DGKB: variants seen among roughly 807,000 people sequenced by gnomAD.
The protein encoded by DGKB is 90 kDa diacylglycerol kinase.
Under a neutral mutation model 114.3 loss-of-function variants are expected in DGKB, and 67 were observed. The ratio of observed to expected loss-of-function variants is 0.59; its 90% CI spans 0.48 to 0.72. The LOEUF is 0.72. Among genes scored for constraint, DGKB ranks in the 30% least tolerant of loss-of-function variants. DGKB has a pLI of 0.00. For missense variants in DGKB, 907 were observed against 975.2 expected (o/e 0.93, Z 0.93); for synonymous variants, 398 against 323.1 (o/e 1.23, Z -2.49).
chr7:14,853,736 T>G (rs896964363), intron 1 of DGKB, among the ~76,000 whole-genome samples: 1 of 150,812 alleles, frequency 6.6e-6, no homozygotes, highest in Admixed American at 6.6e-5. Context: ...GGAGTGGTGG[T>G]GGGCGCCTGT....
intron 20 of DGKB, among the ~76,000 whole-genome samples, chr7:14,540,532 T>C (rs73682441): frequency 0.019 from 2,960 of 152,292 alleles, 60 homozygotes; most frequent in East Asian, 0.082. Flanking sequence ...ATTCCTATCA[T>C]ACTTTTCTGT....
intron 6 of DGKB, among the ~76,000 whole-genome samples, chr7:14,712,956 T>C (rs1476671702): frequency 6.6e-6 from 1 of 152,106 alleles, no homozygotes; most frequent in African/African-American, 2.4e-5. Flanking sequence ...GCTGTTTGGC[T>C]GCAAAAATTT....
At chr7:14,196,278 T>A (rs1002746196) in intron 23 of DGKB, among the ~76,000 whole-genome samples, 2 of 152,134 alleles carry the variant, frequency 1.3e-5, no homozygotes, top group African/African-American at 4.8e-5. Context: ...GATGAGCAGT[T>A]TTTGACTCAT....
At chr7:14,166,202 A>G (rs1784585718) in intron 25 of DGKB, among the ~76,000 whole-genome samples, 1 of 152,228 alleles carries the variant, frequency 6.6e-6, no homozygotes, top group African/African-American at 2.4e-5. Flanking sequence ...TTACTCGCCT[A>G]TAGAAATACC....
intron 20 of DGKB, among the ~76,000 whole-genome samples, chr7:14,509,992 G>A (rs951420181): frequency 2.0e-5 from 3 of 152,120 alleles, no homozygotes; most frequent in African/African-American, 7.2e-5. Flanking sequence ...TGGCTGACAC[G>A]GTGAAACCCC....
chr7:14,291,495 C>T (rs1371837958), intron 23 of DGKB, among the ~76,000 whole-genome samples: 1 of 152,062 alleles, frequency 6.6e-6, no homozygotes, highest in East Asian at 1.9e-4. Flanking sequence ...TGGCTCTTTC[C>T]TTGGTAATCC....
intron 21 of DGKB, among the ~76,000 whole-genome samples, chr7:14,349,103 A>G (rs181167467): frequency 7.1e-4 from 108 of 152,180 alleles, no homozygotes; most frequent in Admixed American, 2.5e-3. Flanking sequence ...CATTAAGAGA[A>G]CTGTAGTTAT....
At chr7:14,156,067 A>C (rs777061116) in intron 25 of DGKB, among the ~76,000 whole-genome samples, 2 of 152,158 alleles carry the variant, frequency 1.3e-5, no homozygotes, top group Non-Finnish European at 2.9e-5. Context: ...GAATACAAAC[A>C]GTCAGAGAGG....
intron 23 of DGKB, among the ~76,000 whole-genome samples, chr7:14,216,554 C>T (rs1242288633): frequency 6.6e-6 from 1 of 151,678 alleles, no homozygotes; most frequent in African/African-American, 2.4e-5. Flanking sequence ...GGTGAAACCC[C>T]ATCTCCAACA....
At chr7:14,501,916 A>C (rs1378350513) in intron 20 of DGKB, among the ~76,000 whole-genome samples, 1 of 151,978 alleles carries the variant, frequency 6.6e-6, no homozygotes, top group African/African-American at 2.4e-5. Context: ...GACTTCGAAC[A>C]AATACCATAA....
chr7:14,172,263 A>G (rs543558339), intron 25 of DGKB, among the ~76,000 whole-genome samples: 1 of 152,232 alleles, frequency 6.6e-6, no homozygotes, highest in African/African-American at 2.4e-5. Context: ...TAACTAAACA[A>G]TATTTTAAGT....
intron 25 of DGKB, among the ~76,000 whole-genome samples, chr7:14,166,816 T>C (rs1051958657): frequency 5.3e-5 from 8 of 152,118 alleles, no homozygotes; most frequent in African/African-American, 1.7e-4. Flanking sequence ...TGGAATTGTA[T>C]ACCAGGTACA....
chr7:14,924,424 C>T (rs774624727), intron 1 of DGKB, among the ~76,000 whole-genome samples: 6 of 152,046 alleles, frequency 3.9e-5, no homozygotes, highest in African/African-American at 9.7e-5. Context: ...ATAAAAAGTT[C>T]TCAGGTGTTA....
At chr7:14,181,495 G>A (rs1194234964) in intron 23 of DGKB, among the ~76,000 whole-genome samples, 3 of 152,182 alleles carry the variant, frequency 2.0e-5, no homozygotes, top group South Asian at 2.1e-4. Context: ...ATTTATCACG[G>A]AACACCAAAA....
intron 23 of DGKB, among the ~76,000 whole-genome samples, chr7:14,217,345 T>C (rs990453543): frequency 1.1e-4 from 17 of 152,166 alleles, no homozygotes; most frequent in African/African-American, 4.8e-5. Context: ...GTTTGCTTCC[T>C]TGGGACGTGG....
intron 1 of DGKB, among the ~76,000 whole-genome samples, chr7:14,865,752 T>C (rs1335742617): frequency 6.6e-6 from 1 of 152,106 alleles, no homozygotes. Flanking sequence ...AGTCATCATG[T>C]GCATAGGAGA....
At chr7:14,343,771 T>C (rs1991732) in intron 22 of DGKB, among the ~76,000 whole-genome samples, 1 of 150,524 alleles carries the variant, frequency 6.6e-6, no homozygotes, top group Admixed American at 6.7e-5. Flanking sequence ...GCAGTTTTTT[T>C]AAAAAAATAA....
At chr7:14,318,356 A>T (rs910851938) in intron 23 of DGKB, among the ~76,000 whole-genome samples, 14 of 151,964 alleles carry the variant, frequency 9.2e-5, no homozygotes, top group Admixed American at 4.6e-4. Flanking sequence ...GGCAACCTAT[A>T]GAATGGGAGA....
rs193231420 is a variant in DGKB at position 14,298,205 on chromosome 7, C to G, written c.2122+40310G>C. ...TTCTTCACATAATTAGAAAAAACTA[C>G]TTCAAATTTCATATAGAACCAAAAA... On this transcript the variant is annotated intron_variant, in intron 23 of 25. Coordinates refer to ENST00000402815, the MANE Select transcript of DGKB (RefSeq NM_001350709.2). 4.6e-5 allele frequency among the ~76,000 whole-genome samples: 7 copies of G among 152,234 alleles called. No homozygotes were observed. The East Asian group carries it at 1.4e-3, about 29-fold the overall frequency.
Sources: allele counts gnomAD v4.1 joint callset (sites outside exome capture counted in the v4.1 genomes callset), GRCh38; gene constraint gnomAD v4.1.1; transcripts MANE v1.5; gene names NCBI Gene and HGNC (gene_info 2026-07-23, HGNC 2026-07-21).